CRADD: variants seen among roughly 807,000 people sequenced by gnomAD.
The protein encoded by CRADD is death domain-containing protein CRADD.
A neutral mutation model predicts 15.5 loss-of-function variants in CRADD; 9 were observed. The observed-to-expected ratio is 0.58, with a 90% CI of 0.35 to 1.01. The LOEUF is 1.01. Ranked by LOEUF, CRADD falls within the 50% of genes least tolerant of loss-of-function variation. The pLI is 0.02. For synonymous variants in CRADD, 118 were observed against 107.6 expected (o/e 1.10, Z -0.60); for missense variants, 227 against 250.3 (o/e 0.91, Z 0.63).
chr12:93,772,708 G>A (rs891339176), intron 2 of CRADD, among the ~76,000 whole-genome samples: 1 of 152,232 alleles, frequency 6.6e-6, no homozygotes, highest in African/African-American at 2.4e-5. Flanking sequence ...TATGGGCTTA[G>A]TAGGAGCTTT....
At chr12:93,875,748 T>C (rs1004845983) in intron 2 of CRADD, among the ~76,000 whole-genome samples, 2 of 152,182 alleles carry the variant, frequency 1.3e-5, no homozygotes, top group African/African-American at 4.8e-5. Context: ...GTTCTATTTA[T>C]ATCTTATTGT....
At chr12:93,681,430 T>C (rs1955297878) in intron 2 of CRADD, among the ~76,000 whole-genome samples, 1 of 152,216 alleles carries the variant, frequency 6.6e-6, no homozygotes, top group African/African-American at 2.4e-5. Context: ...ACAGTCATCT[T>C]AATTGTTTTA....
chr12:93,820,057 A>G (rs991930348), intron 2 of CRADD, among the ~76,000 whole-genome samples: 1 of 152,206 alleles, frequency 6.6e-6, no homozygotes, highest in Non-Finnish European at 1.5e-5. Context: ...CAGTCATTCA[A>G]GGTAGAAACT....
At chr12:93,831,815 A>G (rs1485889) in intron 2 of CRADD, among the ~76,000 whole-genome samples, 30,060 of 152,286 alleles carry the variant, frequency 0.2, 3,890 homozygotes, top group Non-Finnish European at 0.29. Flanking sequence ...TCTGTATCAC[A>G]TGCAGTCAGG....
chr12:93,704,977 A>G (rs1409550393), intron 2 of CRADD, among the ~76,000 whole-genome samples: 1 of 152,180 alleles, frequency 6.6e-6, no homozygotes, highest in Non-Finnish European at 1.5e-5. Flanking sequence ...CTGCCTGATC[A>G]AATTAGCCAC....
chr12:93,707,066 G>C (rs1180290866), intron 2 of CRADD, among the ~76,000 whole-genome samples: 1 of 152,076 alleles, frequency 6.6e-6, no homozygotes, highest in African/African-American at 2.4e-5. Context: ...ATTGATTCAG[G>C]ATACCCATTC....
At chr12:93,724,405 C>A (rs1288813890) in intron 2 of CRADD, among the ~76,000 whole-genome samples, 2 of 151,952 alleles carry the variant, frequency 1.3e-5, no homozygotes, top group Admixed American at 1.3e-4. Flanking sequence ...AATTTCTGCT[C>A]CAGTATGTTG....
At position 93,821,372 on chromosome 12, in the gene CRADD, G is replaced by A. The variant is rs192039124; in HGVS notation, c.299-28598G>A. ...CCTCTTCATTTTACAGGTTTGGAAG[G>A]TGAGACCAGAGAGCTGGCACATCGG... is the stretch of plus-strand genomic sequence containing the variant. On this transcript the variant is annotated intron_variant, in intron 2 of 2. Coordinates refer to ENST00000332896, the MANE Select transcript of CRADD (RefSeq NM_003805.5). Among the ~76,000 whole-genome samples the A allele has an allele frequency of 3.1e-4, 47 of 152,290 alleles. No individual in the cohort carries two copies. The East Asian group carries it at 7.5e-3, about 24-fold the overall frequency.
At chr12:93,776,915 G>C (rs1957146211) in intron 2 of CRADD, among the ~76,000 whole-genome samples, 1 of 152,158 alleles carries the variant, frequency 6.6e-6, no homozygotes, top group East Asian at 1.9e-4. Context: ...TACGTAAAGG[G>C]TTTCTTTCTG....
At chr12:93,851,349 C>G (rs1376947734), downstream of CRADD, among the ~76,000 whole-genome samples, 1 of 152,180 alleles carries the variant, frequency 6.6e-6, no homozygotes, top group Non-Finnish European at 1.5e-5. Context: ...TCCTCCCCTT[C>G]TCTCTTGCAT....
intron 2 of CRADD, among the ~76,000 whole-genome samples, chr12:93,842,075 A>G (rs1958055018): frequency 6.6e-6 from 1 of 152,178 alleles, no homozygotes; most frequent in Non-Finnish European, 1.5e-5. Context: ...TCATAGTTAA[A>G]AAACTTTTTT....
chr12:93,767,816 T>C (rs1370164340), intron 2 of CRADD, among the ~76,000 whole-genome samples: 2 of 152,210 alleles, frequency 1.3e-5, no homozygotes, highest in African/African-American at 2.4e-5. Context: ...TCTTATGACC[T>C]GAAAAGATGT....
At chr12:93,830,861 T>C (rs2363074) in intron 2 of CRADD, among the ~76,000 whole-genome samples, 101,704 of 152,086 alleles carry the variant, frequency 0.67, 34,127 homozygotes, top group Middle Eastern at 0.73. Flanking sequence ...TTAGACAATC[T>C]CCAAACAATT....
chr12:93,775,289 G>C (rs1957129463), intron 2 of CRADD, among the ~76,000 whole-genome samples: 1 of 152,186 alleles, frequency 6.6e-6, no homozygotes, highest in Non-Finnish European at 1.5e-5. Context: ...GTTAGGTACA[G>C]ACCCTTAGAA....
At chr12:93,874,659 T>C (rs1039123301) in intron 2 of CRADD, among the ~76,000 whole-genome samples, 1 of 152,138 alleles carries the variant, frequency 6.6e-6, no homozygotes. Context: ...ACTTCCTTTT[T>C]AATTTCTTCA....
chr12:93,838,010 G>A (rs969937584), intron 2 of CRADD: 32 of 152,096 alleles, frequency 2.1e-4, no homozygotes, highest in African/African-American at 7.7e-4. Context: ...GTCAAATCAA[G>A]TCTTCCATTA....
At chr12:93,686,827 C>T (rs766998900) in intron 2 of CRADD, among the ~76,000 whole-genome samples, 1 of 152,050 alleles carries the variant, frequency 6.6e-6, no homozygotes, top group Non-Finnish European at 1.5e-5. Context: ...GCTGCGCAAT[C>T]TTGGCTTCCC....
intron 2 of CRADD, among the ~76,000 whole-genome samples, chr12:93,786,060 C>A (rs12831838): frequency 0.36 from 55,331 of 151,990 alleles, 11,408 homozygotes; most frequent in East Asian, 0.61. Flanking sequence ...CATTAACTGC[C>A]GGGCCTATGA....
intron 2 of CRADD, chr12:93,893,958 G>C (rs1168518107): frequency 4.3e-6 from 3 of 690,912 alleles, no homozygotes; most frequent in Admixed American, 4.1e-5. Context: ...GTTTGACCTA[G>C]AGCTTAAATA....
Sources: allele counts gnomAD v4.1 joint callset (sites outside exome capture counted in the v4.1 genomes callset), GRCh38; gene constraint gnomAD v4.1.1; transcripts MANE v1.5; gene names NCBI Gene and HGNC (gene_info 2026-07-23, HGNC 2026-07-21).